The following SLC8A1 variants were observed in gnomAD, a reference collection of about 807,000 sequenced individuals.
SLC8A1 encodes the protein sodium/calcium exchanger 1.
A neutral mutation model predicts 68.3 loss-of-function variants in SLC8A1; 18 were observed. That is an observed-to-expected ratio of 0.26 (90% CI 0.18 to 0.39). The LOEUF (loss-of-function observed/expected upper bound fraction) is 0.39, where lower values mean the gene tolerates loss of function less well. SLC8A1 is among the 10% of genes least tolerant of loss of function. SLC8A1 has a pLI of 1.00. For missense variants in SLC8A1, 985 were observed against 1,156.7 expected, an observed-to-expected ratio of 0.85 and a Z score of 2.15; for synonymous variants, 475 against 415.5, an observed-to-expected ratio of 1.14 and a Z score of -1.74.
At chr2:40,433,834 A>G (rs1290848031) in intron 1 of SLC8A1, among the ~76,000 whole-genome samples, 1 of 152,178 alleles carries the variant, frequency 6.6e-6, no homozygotes, top group African/African-American at 2.4e-5. Context: ...AGCCCGTTGG[A>G]AAGCCTCTTG....
At chr2:40,487,747 T>C (rs985608048) in intron 1 of SLC8A1, among the ~76,000 whole-genome samples, 3 of 152,146 alleles carry the variant, frequency 2.0e-5, no homozygotes, top group Non-Finnish European at 4.4e-5. Context: ...AAGAAGCCCA[T>C]TGCGGAACCT....
At position 40,217,694 on chromosome 2, in the gene SLC8A1, G is replaced by A. The variant is rs1187400033; in HGVS notation, c.1809-39839C>T. ...GTAGGAACCATATTCAATAGAATAA[G>A]AAGGTGAGGCTTTGCTAAAATTATC... On this transcript the variant is annotated intron_variant, in intron 2 of 7. Coordinates refer to ENST00000406785, the Ensembl canonical transcript of SLC8A1. 2.0e-5 allele frequency among the ~76,000 whole-genome samples: 3 copies of A among 152,282 alleles called. No homozygotes were observed. The East Asian group carries it at 5.8e-4, about 29-fold the overall frequency.
At chr2:40,482,059 G>A (rs976904612) in intron 1 of SLC8A1, among the ~76,000 whole-genome samples, 1 of 152,128 alleles carries the variant, frequency 6.6e-6, no homozygotes, top group Non-Finnish European at 1.5e-5. Flanking sequence ...CCAAGCTCCT[G>A]CATTTTTTTA....
chr2:40,380,237 C>A (rs919068867), intron 2 of SLC8A1, among the ~76,000 whole-genome samples: 1 of 152,138 alleles, frequency 6.6e-6, no homozygotes, highest in Non-Finnish European at 1.5e-5. Flanking sequence ...TGACCCCAGG[C>A]CATGCTGATA....
exon 2 of SLC8A1, chr2:40,429,149 T>C (rs1023379723): frequency 3.7e-6 from 6 of 1,612,988 alleles, no homozygotes; most frequent in African/African-American, 1.3e-5. Context: ...CTCTTTAAAA[T>C]GTTGCCAGCT....
intron 1 of SLC8A1, among the ~76,000 whole-genome samples, chr2:40,472,030 C>T (rs77904359): frequency 6.6e-6 from 1 of 152,098 alleles, no homozygotes; most frequent in African/African-American, 2.4e-5. Context: ...TATGAACAAA[C>T]ATGACCTATG....
intron 2 of SLC8A1, among the ~76,000 whole-genome samples, chr2:40,310,820 T>C (rs1307114314): frequency 6.6e-6 from 1 of 152,114 alleles, no homozygotes; most frequent in African/African-American, 2.4e-5. Context: ...TCTGGTCATA[T>C]GTTAGTGCCA....
intron 2 of SLC8A1, among the ~76,000 whole-genome samples, chr2:40,295,966 G>C (rs1559132830): frequency 6.6e-6 from 1 of 152,254 alleles, no homozygotes; most frequent in African/African-American, 2.4e-5. Flanking sequence ...GGTGTTGGTG[G>C]TATAGAGAGA....
At chr2:40,159,762 A>ATTTGGTTTTTT (rs2045329265) in intron 6 of SLC8A1, among the ~76,000 whole-genome samples, 2 of 152,224 alleles carry the variant, frequency 1.3e-5, no homozygotes, top group Non-Finnish European at 2.9e-5. Flanking sequence ...AAAAAACCAA[A>ATTTGGTTTTTT]GCAAGATTAT....
intron 1 of SLC8A1, among the ~76,000 whole-genome samples, chr2:40,504,829 T>C (rs1216576788): frequency 6.6e-6 from 1 of 151,788 alleles, no homozygotes; most frequent in South Asian, 2.1e-4. Context: ...GAGGATGTGG[T>C]GTAAAGGAAC....
exon 2 of SLC8A1, chr2:40,429,540 C>G: frequency 6.2e-7 from 1 of 1,613,804 alleles, no homozygotes; most frequent in African/African-American, 1.3e-5. Context: ...CCCAAGCGAA[C>G]ACAACACAGA....
Position 40,212,281 on chromosome 2 carries a change from ATC to A in SLC8A1, c.1809-34428_1809-34427del, listed in dbSNP as rs1553417528. On this transcript the variant is annotated intron_variant, in intron 2 of 7. Coordinates refer to ENST00000406785, the Ensembl canonical transcript of SLC8A1. The stretch of plus-strand genomic sequence containing the variant: ...AGGTGCTAAACAGAAGAGATGCAAT[ATC>A]TTTTTTTTTTTTTTTTTTCCTGAGA... Among the ~76,000 whole-genome samples the A allele has an allele frequency of 1.4e-4, 16 of 118,242 alleles. 1 individual carries two copies. The highest frequency in any genetic ancestry group is 2.1e-4 in the Non-Finnish European group (12 of 56,662). The allele number at this position is 118,242 out of a possible 152,430, so 77.6% of individuals were successfully genotyped here.
chr2:40,468,173 T>C (rs1278570127), intron 1 of SLC8A1, among the ~76,000 whole-genome samples: 6 of 152,290 alleles, frequency 3.9e-5, no homozygotes, highest in Admixed American at 3.9e-4. Context: ...AATGTTATTA[T>C]TTCCCTCCAC....
intron 2 of SLC8A1, among the ~76,000 whole-genome samples, chr2:40,253,036 TA>T (rs2063144649): frequency 2.5e-5 from 1 of 39,828 alleles, no homozygotes; most frequent in Non-Finnish European, 1.3e-4. Flanking sequence ...TATACATATG[TA>T]TCAGTATATG....
chr2:40,165,750 C>G (rs192356011), intron 4 of SLC8A1, among the ~76,000 whole-genome samples: 1 of 152,156 alleles, frequency 6.6e-6, no homozygotes, highest in African/African-American at 2.4e-5. Context: ...CAGGAGAGGA[C>G]GGTGGGTGCT....
intron 2 of SLC8A1, among the ~76,000 whole-genome samples, chr2:40,411,515 T>G (rs879592013): frequency 6.6e-6 from 1 of 151,978 alleles, no homozygotes; most frequent in Non-Finnish European, 1.5e-5. Flanking sequence ...TAATCTAAAA[T>G]GTGAGCCATG....
intron 2 of SLC8A1, among the ~76,000 whole-genome samples, chr2:40,353,043 C>T (rs1671603701): frequency 6.6e-6 from 1 of 152,164 alleles, no homozygotes; most frequent in Non-Finnish European, 1.5e-5. Context: ...AGGGGTGGAG[C>T]TCTCACAGCC....
chr2:40,233,653 A>G (rs1237730220), intron 2 of SLC8A1, among the ~76,000 whole-genome samples: 1 of 138,700 alleles, frequency 7.2e-6, no homozygotes, highest in Non-Finnish European at 1.6e-5. Flanking sequence ...TTGGTGTTTT[A>G]GACATGAAGT....
intron 2 of SLC8A1, among the ~76,000 whole-genome samples, chr2:40,296,389 G>T (rs1166162518): frequency 3.3e-5 from 5 of 152,068 alleles, no homozygotes; most frequent in Admixed American, 3.3e-4. Context: ...CAAAATTCAG[G>T]CTGCTGCTTT....
Sources: allele counts gnomAD v4.1 joint callset (sites outside exome capture counted in the v4.1 genomes callset), GRCh38; gene constraint gnomAD v4.1.1; transcripts MANE v1.5; gene names NCBI Gene and HGNC (gene_info 2026-07-23, HGNC 2026-07-21).